Variants in SCOC observed in about 807,000 individuals in gnomAD.
SCOC encodes short coiled coil protein.
Under a neutral mutation model 9.9 loss-of-function variants are expected in SCOC, and 7 were observed. That is an observed-to-expected ratio of 0.71 (90% CI 0.40 to 1.33). SCOC has a LOEUF of 1.33. Among genes scored for constraint, SCOC ranks in the 40% most tolerant of loss-of-function variants. The probability of loss-of-function intolerance (pLI) is 0.01; values close to 1 mark genes in which losing one functional copy is unlikely to be tolerated. For missense variants in SCOC, 66 were observed against 89.7 expected (o/e 0.74, Z 1.07); for synonymous variants, 19 against 28.2 (o/e 0.67, Z 1.03).
intron 1 of SCOC, among the ~76,000 whole-genome samples, chr4:140,295,952 G>T (rs796484966): frequency 8.0e-6 from 1 of 124,320 alleles, no homozygotes; most frequent in Non-Finnish European, 1.6e-5. Flanking sequence ...AAAAAAGAAA[G>T]AAAGAAAAAA....
intron 1 of SCOC, among the ~76,000 whole-genome samples, chr4:140,374,995 G>C (rs934143659): frequency 1.3e-5 from 2 of 152,224 alleles, no homozygotes; most frequent in Admixed American, 6.5e-5. Flanking sequence ...ATGACAGATG[G>C]TGAAATCAAT....
chr4:140,267,911 C>T (rs183942751), intron 1 of SCOC, among the ~76,000 whole-genome samples: 7 of 152,288 alleles, frequency 4.6e-5, no homozygotes, highest in Admixed American at 1.3e-4. Flanking sequence ...CACTGGCCTC[C>T]GGAGCTGGTC....
At chr4:140,361,091 T>C (rs1197289646) in intron 2 of SCOC, 1 of 152,168 alleles carries the variant, frequency 6.6e-6, no homozygotes, top group Non-Finnish European at 1.5e-5. Context: ...TACATATTTT[T>C]GCTGGTATGC....
upstream of SCOC, among the ~76,000 whole-genome samples, chr4:140,371,644 T>C (rs1728060843): frequency 6.6e-6 from 1 of 152,222 alleles, no homozygotes; most frequent in Admixed American, 6.5e-5. Flanking sequence ...AACTTCCAGG[T>C]ACCCTTTTTT....
Position 140,383,125 on chromosome 4 carries a change from G to C in SCOC, c.*2021G>C, listed in dbSNP as rs754043233. Reference sequence around the variant, plus strand: ...TGGTGTGGAGACTTAGTTACATCTAGATACAAGAGGAGCTGAGAAATGTAG... The same window carrying C: ...TGGTGTGGAGACTTAGTTACATCTACATACAAGAGGAGCTGAGAAATGTAG... On this transcript the variant is annotated 3_prime_UTR_variant, in exon 4 of 4. Transcript: ENST00000608372. 1.3e-5 allele frequency: 2 copies of C among 152,204 alleles called. No individual in the cohort carries two copies. Among genetic ancestry groups the C allele is most frequent in the Non-Finnish European group, 2.9e-5 (2 of 68,048 alleles). The allele number at this position is 152,204 out of a possible 1,614,324, so 9.4% of individuals were successfully genotyped here.
chr4:140,372,139 A>C (rs1219059469), upstream of SCOC, among the ~76,000 whole-genome samples: 1 of 152,232 alleles, frequency 6.6e-6, no homozygotes, highest in African/African-American at 2.4e-5. Flanking sequence ...GCTCTTTAAT[A>C]GGTATACAGT....
intron 2 of SCOC, among the ~76,000 whole-genome samples, chr4:140,361,867 C>T (rs768405102): frequency 6.6e-5 from 10 of 152,018 alleles, no homozygotes; most frequent in East Asian, 3.9e-4. Flanking sequence ...TCTTGTAATG[C>T]GCTTCATGTA....
At chr4:140,287,278 T>C (rs1339523451) in intron 1 of SCOC, among the ~76,000 whole-genome samples, 1 of 146,096 alleles carries the variant, frequency 6.8e-6, no homozygotes, top group Admixed American at 6.7e-5. Flanking sequence ...CATGTGCACA[T>C]GCCACACAGA....
chr4:140,299,839 C>G (rs534178896), intron 1 of SCOC, among the ~76,000 whole-genome samples: 10 of 152,296 alleles, frequency 6.6e-5, no homozygotes, highest in African/African-American at 1.9e-4. Context: ...CTTAGCACAA[C>G]GATGCTTATT....
chr4:140,332,150 C>T (rs548904886), intron 1 of SCOC, among the ~76,000 whole-genome samples: 2 of 152,142 alleles, frequency 1.3e-5, no homozygotes, highest in East Asian at 3.9e-4. Context: ...GCTACCAGGC[C>T]CCACCTCCAG....
chr4:140,370,894 C>CT (rs200698292), upstream of SCOC, among the ~76,000 whole-genome samples: 4,781 of 142,962 alleles, frequency 0.033, 106 homozygotes, highest in South Asian at 0.075. Flanking sequence ...TGTCTGAATT[C>CT]TTTTTTTTTT....
At chr4:140,325,394 A>G (rs1732615459) in intron 1 of SCOC, among the ~76,000 whole-genome samples, 1 of 152,122 alleles carries the variant, frequency 6.6e-6, no homozygotes, top group Non-Finnish European at 1.5e-5. Flanking sequence ...CAAGGCACAG[A>G]CTGGGGAAAA....
upstream of SCOC, among the ~76,000 whole-genome samples, chr4:140,370,847 C>T (rs1004197380): frequency 5.3e-5 from 8 of 151,754 alleles, no homozygotes; most frequent in African/African-American, 1.9e-4. Context: ...ACGTTATTTG[C>T]ATATATTTAT....
At chr4:140,365,580 T>G (rs1157861669) in intron 2 of SCOC, among the ~76,000 whole-genome samples, 1 of 152,224 alleles carries the variant, frequency 6.6e-6, no homozygotes, top group Admixed American at 6.5e-5. Context: ...AAAGTTTCAC[T>G]GAGTGTCTGA....
chr4:140,305,300 C>A (rs1278059537), intron 1 of SCOC, among the ~76,000 whole-genome samples: 5 of 152,168 alleles, frequency 3.3e-5, no homozygotes, highest in African/African-American at 1.2e-4. Flanking sequence ...CCTAGTCTTT[C>A]TAGCTGAGGA....
At chr4:140,282,487 G>A (rs2126417848) in intron 1 of SCOC, among the ~76,000 whole-genome samples, 1 of 152,226 alleles carries the variant, frequency 6.6e-6, no homozygotes, top group South Asian at 2.1e-4. Flanking sequence ...CCGTCCCCAT[G>A]AAGGTAGCCA....
At chr4:140,362,302 T>C (rs6148693) in intron 2 of SCOC, among the ~76,000 whole-genome samples, 1,711 of 26,250 alleles carry the variant, frequency 0.065, 155 homozygotes, top group Middle Eastern at 0.26. Flanking sequence ...TCTTCTTCTT[T>C]TTTTTTTTTT....
intron 1 of SCOC, among the ~76,000 whole-genome samples, chr4:140,296,377 T>C (rs1731637241): frequency 6.6e-6 from 1 of 152,154 alleles, no homozygotes; most frequent in African/African-American, 2.4e-5. Flanking sequence ...CTACTAAGGG[T>C]GGAGCGGCTG....
chr4:140,304,663 A>G (rs1213581479), intron 1 of SCOC, among the ~76,000 whole-genome samples: 1 of 152,162 alleles, frequency 6.6e-6, no homozygotes, highest in African/African-American at 2.4e-5. Context: ...CAGCTGCTGG[A>G]AAGCTCAGAA....
Sources: allele counts gnomAD v4.1 joint callset (sites outside exome capture counted in the v4.1 genomes callset), GRCh38; gene constraint gnomAD v4.1.1; transcripts MANE v1.5; gene names NCBI Gene and HGNC (gene_info 2026-07-23, HGNC 2026-07-21).